NRXN1: variants seen among roughly 807,000 people sequenced by gnomAD.
The protein encoded by NRXN1 is neurexin 1.
In NRXN1, 39 loss-of-function variants were observed where a neutral mutation model predicts 150.9. That is an observed-to-expected ratio of 0.26 (90% CI 0.20 to 0.34). The LOEUF (loss-of-function observed/expected upper bound fraction) is 0.34, where lower values mean the gene tolerates loss of function less well. Ranked by LOEUF, NRXN1 falls within the 10% of genes least tolerant of loss-of-function variation. The pLI is 1.00. For missense variants in NRXN1, 1,815 were observed against 1,949.9 expected, an observed-to-expected ratio of 0.93 and a Z score of 1.30; for synonymous variants, 924 against 757.0, an observed-to-expected ratio of 1.22 and a Z score of -3.62.
intron 21 of NRXN1, among the ~76,000 whole-genome samples, chr2:49,996,167 G>A (rs1682963029): frequency 6.6e-6 from 1 of 152,150 alleles, no homozygotes; most frequent in Non-Finnish European, 1.5e-5. Context: ...TGAGAGTCAT[G>A]AGAAGTATAA....
At chr2:51,008,436 G>T (rs556511370) in intron 2 of NRXN1, among the ~76,000 whole-genome samples, 1 of 151,872 alleles carries the variant, frequency 6.6e-6, no homozygotes, top group African/African-American at 2.4e-5. Flanking sequence ...GATTTTTCCA[G>T]GAATTTGTTT....
intron 21 of NRXN1, among the ~76,000 whole-genome samples, chr2:50,042,134 G>A (rs1389431947): frequency 6.6e-6 from 1 of 152,220 alleles, no homozygotes; most frequent in African/African-American, 2.4e-5. Flanking sequence ...TAAGAAGGAA[G>A]TTAATTCTTT....
chr2:50,080,841 G>T (rs899132894), intron 19 of NRXN1, among the ~76,000 whole-genome samples: 2 of 152,114 alleles, frequency 1.3e-5, no homozygotes, highest in African/African-American at 2.4e-5. Flanking sequence ...TTAGTAAAGG[G>T]CAGCCACATT....
chr2:50,203,105 G>A lies in NRXN1; in HGVS notation c.3546+33684C>T, dbSNP rs141408390. Among the ~76,000 whole-genome samples, 140 of 152,254 alleles carry A rather than the reference G, an allele frequency of 9.2e-4. No individual in the cohort carries two copies. In the South Asian group the frequency reaches 0.012, roughly 13 times the overall value. ...GAGCCTGGAGAATCAAGGTCGTACT[G>A]CAGGTGAAGAGCTAGCAAACCTATT... On this transcript the variant is annotated intron_variant, in intron 18 of 22. Coordinates refer to ENST00000401669, the MANE Select transcript of NRXN1 (RefSeq NM_001330078.2).
chr2:50,989,733 C>T (rs1252983555), intron 2 of NRXN1, among the ~76,000 whole-genome samples: 6 of 151,832 alleles, frequency 4.0e-5, no homozygotes, highest in Admixed American at 3.3e-4. Flanking sequence ...TAAAATTTAT[C>T]AATTATAAAT....
intron 8 of NRXN1, among the ~76,000 whole-genome samples, chr2:50,566,558 A>G (rs955918060): frequency 3.3e-5 from 5 of 151,966 alleles, no homozygotes; most frequent in African/African-American, 1.2e-4. Context: ...CCCAGCCATC[A>G]TGTTAATATG....
intron 3 of NRXN1, among the ~76,000 whole-genome samples, chr2:50,922,965 T>C (rs1686291844): frequency 6.6e-6 from 1 of 151,860 alleles, no homozygotes; most frequent in Non-Finnish European, 1.5e-5. Flanking sequence ...TGACTTAAAA[T>C]CCAACCAAAC....
chr2:49,980,008 T>A (rs1419035311), intron 21 of NRXN1, among the ~76,000 whole-genome samples: 1 of 151,682 alleles, frequency 6.6e-6, no homozygotes, highest in African/African-American at 2.4e-5. Flanking sequence ...AAACAAAACA[T>A]CTGTGGCCCC....
chr2:50,765,060 A>C (rs1480633109), intron 5 of NRXN1, among the ~76,000 whole-genome samples: 1 of 152,022 alleles, frequency 6.6e-6, no homozygotes, highest in Non-Finnish European at 1.5e-5. Flanking sequence ...ATTTGTAAGG[A>C]AAACCAGATA....
chr2:50,136,993 A>G (rs1168384174), intron 18 of NRXN1, among the ~76,000 whole-genome samples: 3 of 152,210 alleles, frequency 2.0e-5, no homozygotes, highest in Non-Finnish European at 4.4e-5. Context: ...TGGGTTAAGT[A>G]AAACATACAC....
chr2:50,084,238 C>A (rs1330892868), intron 19 of NRXN1, among the ~76,000 whole-genome samples: 3 of 152,216 alleles, frequency 2.0e-5, no homozygotes, highest in South Asian at 2.1e-4. Flanking sequence ...CATGCCCTTG[C>A]GCGGTGGATG....
chr2:50,818,659 G>A (rs192568492), intron 5 of NRXN1, among the ~76,000 whole-genome samples: 25 of 151,780 alleles, frequency 1.6e-4, no homozygotes, highest in Non-Finnish European at 1.5e-5. Flanking sequence ...ACAGAAAAGA[G>A]GAAAATTGGA....
chr2:50,583,482 T>C (rs576785419), intron 8 of NRXN1, among the ~76,000 whole-genome samples: 1 of 152,338 alleles, frequency 6.6e-6, no homozygotes, highest in Admixed American at 6.5e-5. Flanking sequence ...AATGAACTGT[T>C]GCATTTGTCT....
chr2:50,022,462 AAATCAAG>A, intron 21 of NRXN1, among the ~76,000 whole-genome samples: 1 of 152,330 alleles, frequency 6.6e-6, no homozygotes, highest in Non-Finnish European at 1.5e-5. Context: ...TTAACTCTGT[AAATCAAG>A]AATCTTTTCT....
At position 49,993,253 on chromosome 2, in the gene NRXN1, T is replaced by C. The variant is rs1246845242; in HGVS notation, c.4129-49462A>G. 2.6e-5 allele frequency among the ~76,000 whole-genome samples: 4 copies of C among 152,022 alleles called. No homozygotes were observed. The East Asian group carries it at 7.7e-4, about 29-fold the overall frequency. On this transcript the variant is annotated intron_variant, in intron 21 of 22. Coordinates refer to ENST00000401669, the MANE Select transcript of NRXN1 (RefSeq NM_001330078.2). ...TTTTAAAAAATGAGCCACTGAACCA[T>C]AAAAAGACATGAAGGAATCTTAAAT...
intron 21 of NRXN1, among the ~76,000 whole-genome samples, chr2:49,958,777 T>G (rs1034490542): frequency 6.6e-6 from 1 of 152,184 alleles, no homozygotes; most frequent in African/African-American, 2.4e-5. Context: ...CTCGTTTACT[T>G]TTTAGTCTAT....
At chr2:50,400,478 T>C (rs2082323067) in intron 17 of NRXN1, among the ~76,000 whole-genome samples, 2 of 152,114 alleles carry the variant, frequency 1.3e-5, no homozygotes, top group Non-Finnish European at 2.9e-5. Flanking sequence ...AGATTTCTGA[T>C]TGTAATGAAT....
At chr2:49,957,014 T>A (rs1558579719) in intron 21 of NRXN1, among the ~76,000 whole-genome samples, 1 of 152,152 alleles carries the variant, frequency 6.6e-6, no homozygotes, top group Non-Finnish European at 1.5e-5. Flanking sequence ...GAAATTGAGA[T>A]AGATGCTAAG....
Position 51,027,941 on chromosome 2 carries a change from G to T in NRXN1, c.333C>A (p.Asp111Glu). Reference sequence around the variant, plus strand: ...GGATGCGCACGCTGTGCCAGGCGCCGTCGTTAACCGGCGTGTCGGCCAGGA... The same window carrying T: ...GGATGCGCACGCTGTGCCAGGCGCCTTCGTTAACCGGCGTGTCGGCCAGGA... ...ATLLADTPVN[D>E]GAWHSVRIRR... The change falls in exon 2 of 23, where the codon GAC (aspartate) becomes GAA (glutamate). Residue 111 changes from aspartate (D) to glutamate (E), a missense_variant. Asp to Glu is a conservative substitution (Grantham distance 45). Around this residue, in one of 6 missense-constraint regions of NRXN1, gnomAD observed 554 missense variants for 478.8 expected, o/e 1.16. Transcript: ENST00000401669. The T allele has an allele frequency of 6.2e-7, 1 of 1,604,154 alleles. No homozygotes were observed. Among genetic ancestry groups the T allele is most frequent in the Non-Finnish European group, 8.5e-7 (1 of 1,179,620 alleles).
Sources: gnomAD v4.1 joint callset for allele counts (sites outside exome capture counted in the v4.1 genomes callset) on GRCh38, gnomAD v4.1.1 for gene constraint, gnomAD v4.1.1 regional missense constraint, MANE v1.5 for transcripts, NCBI Gene and HGNC (gene_info 2026-07-23, HGNC 2026-07-21) for gene names.